EDARADD: variants seen among roughly 807,000 people sequenced by gnomAD.
EDARADD encodes the protein ectodysplasin-A receptor-associated adapter protein.
A neutral mutation model predicts 25.6 loss-of-function variants in EDARADD; 20 were observed. The observed-to-expected ratio is 0.78, with a 90% CI of 0.55 to 1.14. EDARADD has a LOEUF of 1.14. Ranked by LOEUF, EDARADD falls within the 50% of genes most tolerant of loss-of-function variation. EDARADD has a pLI of 0.00. For missense variants in EDARADD, 225 were observed against 270.1 expected (o/e 0.83, Z 1.17); for synonymous variants, 86 against 94.4 (o/e 0.91, Z 0.52).
At chr1:236,440,134 G>A (rs921746618) in intron 4 of EDARADD, among the ~76,000 whole-genome samples, 2 of 151,806 alleles carry the variant, frequency 1.3e-5, no homozygotes, top group African/African-American at 4.8e-5. Context: ...CTATTATATT[G>A]CCTTTGCTCC....
chr1:236,426,286 A>T (rs1015500997), intron 3 of EDARADD, among the ~76,000 whole-genome samples: 1 of 152,158 alleles, frequency 6.6e-6, no homozygotes, highest in Non-Finnish European at 1.5e-5. Flanking sequence ...CTATCATGCC[A>T]GTTGTTTTGA....
intron 3 of EDARADD, among the ~76,000 whole-genome samples, chr1:236,419,124 C>G (rs948660974): frequency 6.6e-6 from 1 of 152,134 alleles, no homozygotes; most frequent in Non-Finnish European, 1.5e-5. Flanking sequence ...CTGTTAAATT[C>G]AAGTTCTTTG....
intron 3 of EDARADD, among the ~76,000 whole-genome samples, chr1:236,367,303 C>T (rs2102992736): frequency 6.6e-6 from 1 of 152,170 alleles, no homozygotes; most frequent in South Asian, 2.1e-4. Context: ...GATCTTGGCT[C>T]ACTGAGACCT....
chr1:236,460,666 C>A (rs1251852865), intron 4 of EDARADD, among the ~76,000 whole-genome samples: 1 of 152,250 alleles, frequency 6.6e-6, no homozygotes, highest in East Asian at 1.9e-4. Flanking sequence ...AAAAACCCAA[C>A]AGGAGATTCA....
intron 4 of EDARADD, among the ~76,000 whole-genome samples, chr1:236,427,760 A>G (rs1352230150): frequency 6.6e-6 from 1 of 152,172 alleles, no homozygotes; most frequent in Non-Finnish European, 1.5e-5. Flanking sequence ...TCTGTGGATG[A>G]GCAAATTCTT....
chr1:236,384,122 T>G (rs1025977), intron 3 of EDARADD, among the ~76,000 whole-genome samples: 131,246 of 152,286 alleles, frequency 0.86, 56,694 homozygotes, highest in Middle Eastern at 0.94. Flanking sequence ...TGAATGCTTA[T>G]GTCATTTCCA....
intron 4 of EDARADD, among the ~76,000 whole-genome samples, chr1:236,447,213 TTTCTTTCTTTCCTTTCTTTCC>T (rs1473962174): frequency 6.8e-5 from 2 of 29,386 alleles, no homozygotes; most frequent in Non-Finnish European, 2.3e-4. Context: ...TCTTTCTTTC[TTTCTTTCTTTCCTTTCTTTCC>T]TTTCTTTCCT....
intron 2 of EDARADD, among the ~76,000 whole-genome samples, chr1:236,349,529 C>G (rs572615649): frequency 3.7e-5 from 5 of 133,588 alleles, no homozygotes; most frequent in Admixed American, 3.2e-4. Context: ...CGGGACAACT[C>G]AAAGCGGGGT....
chr1:236,420,618 T>A (rs1007067916), intron 3 of EDARADD, among the ~76,000 whole-genome samples: 2 of 152,242 alleles, frequency 1.3e-5, no homozygotes, highest in Non-Finnish European at 2.9e-5. Context: ...CAAAATGGTT[T>A]AGGTTTGACC....
chr1:236,397,721 A>G (rs1366520656), intron 1 of EDARADD, among the ~76,000 whole-genome samples: 2 of 152,148 alleles, frequency 1.3e-5, no homozygotes, highest in African/African-American at 4.8e-5. Flanking sequence ...AGAGCTCCCC[A>G]CCAGTTGGCA....
intron 5 of EDARADD, among the ~76,000 whole-genome samples, chr1:236,480,381 T>C (rs1659639267): frequency 6.6e-6 from 1 of 152,108 alleles, no homozygotes; most frequent in East Asian, 1.9e-4. Flanking sequence ...TAACAATGTT[T>C]ATGTAAATTC....
In EDARADD at chr1:236,379,724, G is replaced by C. The variant is rs573196741; in HGVS notation, c.-6+28885G>C. Among the ~76,000 whole-genome samples, 335 of 152,116 alleles carry C rather than the reference G, an allele frequency of 2.2e-3. 1 individual carries two copies. Among genetic ancestry groups the C allele is most frequent in the African/African-American group, 7.7e-3 (318 of 41,482 alleles). On this transcript the variant is annotated intron_variant, in intron 3 of 7. Transcript: ENST00000439430. Reference sequence around the variant, plus strand: ...AACCCCGGGGGGTGGAGGCTGCAGTGAGCCAAGATGGTGCCACTGCACTCC... The same window carrying C: ...AACCCCGGGGGGTGGAGGCTGCAGTCAGCCAAGATGGTGCCACTGCACTCC...
chr1:236,445,384 C>A (rs771334789), intron 4 of EDARADD, among the ~76,000 whole-genome samples: 1 of 152,010 alleles, frequency 6.6e-6, no homozygotes, highest in Admixed American at 6.6e-5. Flanking sequence ...TGTGCCACCA[C>A]GCCCGGCTGA....
chr1:236,420,355 A>G (rs1056882923), intron 3 of EDARADD, among the ~76,000 whole-genome samples: 1 of 152,204 alleles, frequency 6.6e-6, no homozygotes. Context: ...TTCTGTTATA[A>G]TATATTTCTG....
At chr1:236,454,828 C>G (rs1223339487) in intron 4 of EDARADD, among the ~76,000 whole-genome samples, 4 of 152,182 alleles carry the variant, frequency 2.6e-5, no homozygotes, top group Admixed American at 2.6e-4. Context: ...GACTTTTCCA[C>G]AGTTCTGAAT....
intron 3 of EDARADD, among the ~76,000 whole-genome samples, chr1:236,426,443 G>C (rs891541175): frequency 6.6e-6 from 1 of 152,186 alleles, no homozygotes; most frequent in Non-Finnish European, 1.5e-5. Flanking sequence ...ACAGAGCCAC[G>C]CAGGGGGACA....
intron 2 of EDARADD, among the ~76,000 whole-genome samples, chr1:236,349,555 G>A (rs758472638): frequency 1.3e-4 from 20 of 151,962 alleles, no homozygotes; most frequent in Non-Finnish European, 2.5e-4. Context: ...GGGTGGGGGT[G>A]CTTCCAGGCT....
chr1:236,357,139 C>A (rs946551512), intron 3 of EDARADD, among the ~76,000 whole-genome samples: 3 of 150,862 alleles, frequency 2.0e-5, no homozygotes, highest in Admixed American at 6.6e-5. Flanking sequence ...TGATTGATTT[C>A]ATTAAAACTT....
intron 3 of EDARADD, among the ~76,000 whole-genome samples, chr1:236,365,124 G>T (rs55915504): frequency 0.32 from 48,890 of 151,290 alleles, 9,460 homozygotes; most frequent in Non-Finnish European, 0.44. Context: ...TGCATGTATT[G>T]AGGTGATCAC....
Sources: gnomAD v4.1 joint callset for allele counts (sites outside exome capture counted in the v4.1 genomes callset) on GRCh38, gnomAD v4.1.1 for gene constraint, MANE v1.5 for transcripts, NCBI Gene and HGNC (gene_info 2026-07-23, HGNC 2026-07-21) for gene names.